Variants in CELSR3 observed in about 807,000 individuals in gnomAD.
CELSR3 encodes the protein cadherin EGF LAG seven-pass G-type receptor 3.
Under a neutral mutation model 270.0 loss-of-function variants are expected in CELSR3, and 73 were observed. The observed-to-expected ratio is 0.27, with a 90% CI of 0.22 to 0.33. The LOEUF is 0.33. CELSR3 is among the 10% of genes least tolerant of loss of function. CELSR3 has a pLI of 1.00. For synonymous variants in CELSR3, 1,780 were observed against 1,905.4 expected, an observed-to-expected ratio of 0.93 and a Z score of 1.71; for missense variants, 3,614 against 4,533.8, an observed-to-expected ratio of 0.80 and a Z score of 5.83.
Position 48,646,685 on chromosome 3 carries a change from C to G in CELSR3, c.7295+78G>C, listed in dbSNP as rs990599722. ...GTGCTCCTCTCTGTGTGTTGTGAAC[C>G]TACGCATCTACCCACCAAAAAAGGG... On this transcript the variant is annotated intron_variant, in intron 21 of 34. Transcript: ENST00000164024. This position sits in a 1 kb window ranked among gnomAD's most constrained non-coding sequence, Gnocchi z 4.8. The G allele has an allele frequency of 2.8e-6, 4 of 1,417,968 alleles. No individual in the cohort carries two copies. The allele number at this position is 1,417,968 out of a possible 1,614,324, so 87.8% of individuals were successfully genotyped here. A position where few individuals can be genotyped will look rare whatever the true frequency, so the allele number is the denominator to read the frequency against.
chr3:48,655,330 T>G lies in CELSR3; in HGVS notation c.4806A>C (p.Thr1602=). ...PGGLSDGQWH[T]VHLRYYNKPR... is the part of the protein sequence containing the mutation. ...CCTTGTTGTAGTATCTCAGATGCAC[T>G]GTATGCCATTGCCCGTCACTCAAGC... Residue 1602 remains threonine, a synonymous_variant, in exon 5 of 35, where the codon ACA becomes ACC. Coordinates refer to ENST00000164024, the MANE Select transcript of CELSR3 (RefSeq NM_001407.3). The surrounding 1 kb of genome is among the most constrained non-coding windows in gnomAD (Gnocchi z 5.8). The G allele has an allele frequency of 1.2e-6, 2 of 1,614,124 alleles. No homozygotes were observed. Among genetic ancestry groups the G allele is most frequent in the Non-Finnish European group, 1.7e-6 (2 of 1,180,004 alleles).
rs2106697351 is a variant in CELSR3, at chr3:48,641,129, GA to G, written c.9025+194del. On this transcript the variant is annotated intron_variant, in intron 33 of 34. Coordinates refer to ENST00000164024, the MANE Select transcript of CELSR3 (RefSeq NM_001407.3). The surrounding 1 kb of genome is among the most constrained non-coding windows in gnomAD (Gnocchi z 4.8). ...TCCCCCTGTGGTGCTGGCCAGGGTA[GA>G]GGGGGACAGAGAATTCCCAGGTCAG... The G allele has an allele frequency of 3.4e-6, 2 of 590,870 alleles. No individual in the cohort carries two copies. Among genetic ancestry groups the G allele is most frequent in the South Asian group, 4.0e-5 (2 of 49,500 alleles). The allele number at this position is 590,870 out of a possible 1,614,324, so 36.6% of individuals were successfully genotyped here.
At position 48,659,083 on chromosome 3, in the gene CELSR3, T is replaced by C. The variant is rs377492896; in HGVS notation, c.3552A>G (p.Ser1184=). The C allele has an allele frequency of 1.9e-6, 3 of 1,614,110 alleles. No individual in the cohort carries two copies. The highest frequency in any genetic ancestry group is 8.5e-7 in the Non-Finnish European group (1 of 1,180,056). The change falls in exon 1 of 35, where the codon TCA becomes TCG. Residue 1184 remains serine (S), a synonymous_variant. Transcript: ENST00000164024. The surrounding 1 kb of genome is among the most constrained non-coding windows in gnomAD (Gnocchi z 8.1). ...ILFNNYVSNR[S]DTFPSGIIGR... is the part of the protein sequence containing the mutation. Reference sequence around the variant, plus strand: ...CAATAATGCCCGACGGGAAGGTGTCTGAACGGTTGGATACATAGTTGTTGA... The same window carrying C: ...CAATAATGCCCGACGGGAAGGTGTCCGAACGGTTGGATACATAGTTGTTGA...
In CELSR3 at chr3:48,662,626, C is replaced by T. The variant is rs2106726414; in HGVS notation, c.9G>A (p.Ala3=). The T allele has an allele frequency of 5.7e-6, 8 of 1,406,182 alleles. No individual in the cohort carries two copies. The highest frequency in any genetic ancestry group is 7.6e-6 in the Non-Finnish European group (8 of 1,058,422). The allele number at this position is 1,406,182 out of a possible 1,614,324, so 87.1% of individuals were successfully genotyped here. A position where few individuals can be genotyped will look rare whatever the true frequency, so the allele number is the denominator to read the frequency against. MM[A]RRPPWRGLGG... is the part of the protein sequence containing the mutation. Reference sequence around the variant, plus strand: ...CGAGGCCCCGCCACGGCGGCCGCCTCGCCATCATCCCCCGCCTCCCTGCAC... The same window carrying T: ...CGAGGCCCCGCCACGGCGGCCGCCTTGCCATCATCCCCCGCCTCCCTGCAC... Residue 3 remains alanine (A), a synonymous_variant, in exon 1 of 35, where the codon GCG becomes GCA. Transcript: ENST00000164024. The surrounding 1 kb of genome is among the most constrained non-coding windows in gnomAD (Gnocchi z 7.1).
rs760553882 is a variant in CELSR3 at position 48,647,848 on chromosome 3, T to C, written c.7122A>G (p.Pro2374=). 6.2e-7 allele frequency: 1 copy of C among 1,609,342 alleles called. No individual in the cohort carries two copies. Among genetic ancestry groups the C allele is most frequent in the Non-Finnish European group, 8.5e-7 (1 of 1,179,230 alleles). ...LLPSQSPRPS[P]SEVLPTSSSI... Reference sequence around the variant, plus strand: ...TCCCCTAGGGGCTCTCACCTTCAGATGGGGATGGCCGTGGGGACTGGGAAG... The same window carrying C: ...TCCCCTAGGGGCTCTCACCTTCAGACGGGGATGGCCGTGGGGACTGGGAAG... Residue 2374 remains proline, a synonymous_variant, in exon 20 of 35, where the codon CCA becomes CCG. Coordinates refer to ENST00000164024, the MANE Select transcript of CELSR3 (RefSeq NM_001407.3).
rs1480244830 is a variant in CELSR3, at chr3:48,658,781, T to C, written c.3748+106A>G. 1 of 1,403,576 alleles carries C rather than the reference T, an allele frequency of 7.1e-7. No individual in the cohort carries two copies. Among genetic ancestry groups the C allele is most frequent in the African/African-American group, 1.4e-5 (1 of 69,906 alleles). The allele number at this position is 1,403,576 out of a possible 1,614,324, so 86.9% of individuals were successfully genotyped here. A position where few individuals can be genotyped will look rare whatever the true frequency, so the allele number is the denominator to read the frequency against. Reference sequence around the variant, plus strand: ...TGCAGGAACCCTACCCTTAAGGGGTTCTTGGAAGGCTTAGAAATCCCTCTT... The same window carrying C: ...TGCAGGAACCCTACCCTTAAGGGGTCCTTGGAAGGCTTAGAAATCCCTCTT... On this transcript the variant is annotated intron_variant, in intron 1 of 34. Coordinates refer to ENST00000164024, the MANE Select transcript of CELSR3 (RefSeq NM_001407.3). This position sits in a 1 kb window ranked among gnomAD's most constrained non-coding sequence, Gnocchi z 4.7.
rs141137665 is a variant in CELSR3 at position 48,659,835 on chromosome 3, G to A, written c.2800C>T (p.Arg934Trp). Reference sequence around the variant, plus strand: ...GCCTTCTGTGGGATGCCATTGTCCCGAGCTGTGATAGCCAGGGTGTAGGTC... The same window carrying A: ...GCCTTCTGTGGGATGCCATTGTCCCAAGCTGTGATAGCCAGGGTGTAGGTC... ...QVTYTLAITARDNGIPQKADT... is the reference protein window; with the variant it reads ...QVTYTLAITAWDNGIPQKADT... The change falls in exon 1 of 35, where the codon CGG becomes TGG. Residue 934 changes from arginine to tryptophan, a missense_variant. By Grantham distance (101) the Arg-to-Trp change is moderately radical. This residue lies in a region of CELSR3 where 1,331 missense variants were observed against 1,933.7 expected (regional missense o/e 0.69). Coordinates refer to ENST00000164024, the MANE Select transcript of CELSR3 (RefSeq NM_001407.3). This position sits in a 1 kb window ranked among gnomAD's most constrained non-coding sequence, Gnocchi z 8.1. 5.1e-5 allele frequency: 83 copies of A among 1,614,092 alleles called. No homozygotes were observed. Among genetic ancestry groups the A allele is most frequent in the Non-Finnish European group, 6.8e-5 (80 of 1,180,048 alleles).
chr3:48,641,694 T>A lies in CELSR3; in HGVS notation c.8824+157A>T, dbSNP rs886662643. 1.3e-5 allele frequency among the ~76,000 whole-genome samples: 2 copies of A among 152,164 alleles called. No individual in the cohort carries two copies. The highest frequency in any genetic ancestry group is 2.9e-5 in the Non-Finnish European group (2 of 68,002). On this transcript the variant is annotated intron_variant, in intron 32 of 34. Transcript: ENST00000164024. The surrounding 1 kb of genome is among the most constrained non-coding windows in gnomAD (Gnocchi z 4.8). Reference sequence around the variant, plus strand: ...GGGGTGACTGGTGAGCTCCCTCCCCTTAACTGGAGGTGGACAGAGACTAAA... The same window carrying A: ...GGGGTGACTGGTGAGCTCCCTCCCCATAACTGGAGGTGGACAGAGACTAAA...
In CELSR3 at chr3:48,646,034, T is replaced by C; in HGVS notation, c.7463+56A>G. 1.3e-6 allele frequency: 2 copies of C among 1,599,064 alleles called. No individual in the cohort carries two copies. Among genetic ancestry groups the C allele is most frequent in the South Asian group, 2.2e-5 (2 of 90,552 alleles). ...GGCCCCAGGGGAAGGCTGGGACTAT[T>C]AGTTGGCCTCCCAAGGGCTAACGGG... On this transcript the variant is annotated intron_variant, in intron 22 of 34. Transcript: ENST00000164024. The surrounding 1 kb of genome is among the most constrained non-coding windows in gnomAD (Gnocchi z 4.8).
intron 28 of CELSR3, 141 bp from the exon 29 acceptor site, chr3:48,643,224 T>A: frequency 1.5e-6 from 1 of 653,954 alleles, no homozygotes. Flanking sequence ...AGTAAGGGAG[T>A]TGGGGAAGGT....
rs545631387 is a variant in CELSR3, at chr3:48,646,699, A to C, written c.7295+64T>G. ...GTGTTGTGAACCTACGCATCTACCC[A>C]CCAAAAAAGGGGCTGCCAGGCTGAG... is the stretch of plus-strand genomic sequence containing the variant. On this transcript the variant is annotated intron_variant, in intron 21 of 34. Transcript: ENST00000164024. This position sits in a 1 kb window ranked among gnomAD's most constrained non-coding sequence, Gnocchi z 4.8. The C allele has an allele frequency of 5.9e-6, 9 of 1,533,634 alleles. No homozygotes were observed. In the South Asian group the frequency reaches 1.1e-4, roughly 19 times the overall value.
rs773733452 is a variant in CELSR3 at position 48,658,840 on chromosome 3, C to G, written c.3748+47G>C. 6.3e-7 allele frequency: 1 copy of G among 1,591,044 alleles called. No individual in the cohort carries two copies. Among genetic ancestry groups the G allele is most frequent in the Non-Finnish European group, 8.6e-7 (1 of 1,167,054 alleles). Reference sequence around the variant, plus strand: ...GGTGCCCTGTGGAGTCCCTGAGGCCCAACAGGTTGGTGTCACTGGGTCACT... The same window carrying G: ...GGTGCCCTGTGGAGTCCCTGAGGCCGAACAGGTTGGTGTCACTGGGTCACT... On this transcript the variant is annotated intron_variant, in intron 1 of 34. Coordinates refer to ENST00000164024, the MANE Select transcript of CELSR3 (RefSeq NM_001407.3). This position sits in a 1 kb window ranked among gnomAD's most constrained non-coding sequence, Gnocchi z 4.7.
intron 20 of CELSR3, among the ~76,000 whole-genome samples, 158 bp downstream of exon 20, chr3:48,647,682 GT>G (rs2047098771): frequency 7.9e-6 from 1 of 126,900 alleles, no homozygotes; most frequent in Non-Finnish European, 1.7e-5. Flanking sequence ...GGGAGGGAGG[GT>G]GGAGGGGAAA....
Position 48,659,138 on chromosome 3 carries a change from C to T in CELSR3, c.3497G>A (p.Ser1166Asn), listed in dbSNP as rs776658704. Residue 1166 changes from serine to asparagine, a missense_variant, in exon 1 of 35, where the codon AGC (serine) becomes AAC (asparagine). Around this residue, in one of 7 missense-constraint regions of CELSR3, gnomAD observed 1,331 missense variants for 1,933.7 expected, o/e 0.69. Coordinates refer to ENST00000164024, the MANE Select transcript of CELSR3 (RefSeq NM_001407.3). The surrounding 1 kb of genome is among the most constrained non-coding windows in gnomAD (Gnocchi z 8.1). ...HVRLVDQNDN[S>N]PVLNNFQILF... is the part of the protein sequence containing the mutation. ...GATCTGGAAGTTGTTGAGCACAGGG[C>T]TGTTGTCATTCTGGTCAACCAGGCG... The T allele has an allele frequency of 2.5e-6, 4 of 1,614,200 alleles. No homozygotes were observed. The Admixed American group carries it at 6.7e-5, about 27-fold the overall frequency.
chr3:48,653,297 G>A lies in CELSR3; in HGVS notation c.5449-110C>T, dbSNP rs1438422143. 6 of 1,016,576 alleles carry A rather than the reference G, an allele frequency of 5.9e-6. No homozygotes were observed. The highest frequency in any genetic ancestry group is 7.3e-6 in the Non-Finnish European group (5 of 687,790). The allele number at this position is 1,016,576 out of a possible 1,614,324, so 63.0% of individuals were successfully genotyped here. On this transcript the variant is annotated intron_variant, in intron 9 of 34. Coordinates refer to ENST00000164024, the MANE Select transcript of CELSR3 (RefSeq NM_001407.3). The surrounding 1 kb of genome is among the most constrained non-coding windows in gnomAD (Gnocchi z 6.5). ...GAATATCAGAGGTCAGAACAGTGGG[G>A]TCAAGGTTATACCTGGCACAAAGGG...
At position 48,645,438 on chromosome 3, in the gene CELSR3, T is replaced by A; in HGVS notation, c.7797+5A>T. On this transcript the variant is annotated splice_donor_5th_base_variant and intron_variant, in intron 24 of 34. Coordinates refer to ENST00000164024, the MANE Select transcript of CELSR3 (RefSeq NM_001407.3). The surrounding 1 kb of genome is among the most constrained non-coding windows in gnomAD (Gnocchi z 5.4). ...GACACAAGTTCCCTGGCCCTGATCC[T>A]GCACCTGATTGTGGGTCCTGTGAAT... The A allele has an allele frequency of 6.2e-7, 1 of 1,612,914 alleles. No individual in the cohort carries two copies. Among genetic ancestry groups the A allele is most frequent in the East Asian group, 2.2e-5 (1 of 44,882 alleles).
chr3:48,650,245 A>C lies in CELSR3; in HGVS notation c.6472+235T>G. On this transcript the variant is annotated intron_variant, in intron 16 of 34. Coordinates refer to ENST00000164024, the MANE Select transcript of CELSR3 (RefSeq NM_001407.3). This position sits in a 1 kb window ranked among gnomAD's most constrained non-coding sequence, Gnocchi z 5.1. ...AAAAGCTCTGGTAGTGGGAGGGGGC[A>C]GTGCACCTGAGCAAACACGTACCCC... The C allele has an allele frequency of 8.1e-6, 5 of 620,014 alleles. No individual in the cohort carries two copies. The highest frequency in any genetic ancestry group is 3.3e-5 in the East Asian group (1 of 29,886). The allele number at this position is 620,014 out of a possible 1,614,324, so 38.4% of individuals were successfully genotyped here.
rs774399818 is a variant in CELSR3 at position 48,639,883 on chromosome 3, G to A, written c.9702C>T (p.Pro3234=). Residue 3234 remains proline (P), a synonymous_variant, in exon 34 of 35, where the codon CCC becomes CCT. Coordinates refer to ENST00000164024, the MANE Select transcript of CELSR3 (RefSeq NM_001407.3). The surrounding 1 kb of genome is among the most constrained non-coding windows in gnomAD (Gnocchi z 4.1). The part of the protein sequence containing the change: ...LRAREDSVSG[P]SHGPSTEQLD... ...ACTGTTCTGTGGAGGGGCCATGGCT[G>A]GGGCCACTGACCGAGTCCTCCCTAG... The A allele has an allele frequency of 7.2e-5, 116 of 1,613,484 alleles. 1 individual carries two copies. The highest frequency in any genetic ancestry group is 3.3e-4 in the Middle Eastern group (2 of 6,062).
rs1236338552 is a variant in CELSR3 at position 48,641,565 on chromosome 3, C to T, written c.8825-41G>A. ...AGGTTACAGGAGCTTCTGGGTTGAT[C>T]CCAGTGACTCATGACCCCTGACCCT... On this transcript the variant is annotated intron_variant, in intron 32 of 34. Coordinates refer to ENST00000164024, the MANE Select transcript of CELSR3 (RefSeq NM_001407.3). This position sits in a 1 kb window ranked among gnomAD's most constrained non-coding sequence, Gnocchi z 4.8. The T allele has an allele frequency of 1.4e-6, 2 of 1,455,706 alleles. No individual in the cohort carries two copies. The highest frequency in any genetic ancestry group is 1.9e-6 in the Non-Finnish European group (2 of 1,041,910). The allele number at this position is 1,455,706 out of a possible 1,614,324, so 90.2% of individuals were successfully genotyped here. A position where few individuals can be genotyped will look rare whatever the true frequency, so the allele number is the denominator to read the frequency against.
Sources: gnomAD v4.1 joint callset for allele counts (sites outside exome capture counted in the v4.1 genomes callset) on GRCh38, gnomAD v4.1.1 for gene constraint, gnomAD v4.1.1 regional missense constraint, Gnocchi (gnomAD v3.1) non-coding constraint, MANE v1.5 for transcripts, NCBI Gene and HGNC (gene_info 2026-07-23, HGNC 2026-07-21) for gene names.